The following KCNN3 variants were observed in gnomAD, a reference collection of about 807,000 sequenced individuals.
KCNN3 encodes small conductance calcium-activated potassium channel protein 3.
A neutral mutation model predicts 62.9 loss-of-function variants in KCNN3; 16 were observed. That is an observed-to-expected ratio of 0.25 (90% CI 0.17 to 0.39). The LOEUF is 0.39. Among genes scored for constraint, KCNN3 ranks in the 10% least tolerant of loss-of-function variants. The probability of loss-of-function intolerance (pLI) is 1.00; values close to 1 mark genes in which losing one functional copy is unlikely to be tolerated. For synonymous variants in KCNN3, 370 were observed against 389.2 expected (o/e 0.95, Z 0.58); for missense variants, 599 against 949.4 (o/e 0.63, Z 4.85).
At chr1:154,733,981 G>A (rs1700655295) in intron 3 of KCNN3, among the ~76,000 whole-genome samples, 1 of 152,222 alleles carries the variant, frequency 6.6e-6, no homozygotes, top group Admixed American at 6.5e-5. Context: ...GCAATCAGGG[G>A]GTGGACAAGG....
At chr1:154,846,542 C>A (rs921690597) in intron 1 of KCNN3, among the ~76,000 whole-genome samples, 1 of 152,168 alleles carries the variant, frequency 6.6e-6, no homozygotes, top group African/African-American at 2.4e-5. Flanking sequence ...TTTTTGTTGG[C>A]TTTATTTATT....
chr1:154,747,746 G>C (rs1245780019), intron 3 of KCNN3, among the ~76,000 whole-genome samples: 1 of 152,214 alleles, frequency 6.6e-6, no homozygotes, highest in East Asian at 1.9e-4. Flanking sequence ...TGATAGAAGA[G>C]TCATTCCAAA....
At position 154,869,473 on chromosome 1, in the gene KCNN3, C is replaced by T. The variant is rs1488174086; in HGVS notation, c.492G>A (p.Arg164=). ...TCTCCGTGAAGGGGTTGCTGTCCCG[C>T]CGGTGCACCAGGGGGCTGGCCTGTC... is the stretch of plus-strand genomic sequence containing the variant. ...RHRQASPLVH[R]RDSNPFTEIA... Residue 164 remains arginine, a synonymous_variant, in exon 1 of 8, where the codon CGG becomes CGA. Transcript: ENST00000271915. This position sits in a 1 kb window ranked among gnomAD's most constrained non-coding sequence, Gnocchi z 6.1. The T allele has an allele frequency of 6.2e-7, 1 of 1,614,114 alleles. No individual in the cohort carries two copies. Among genetic ancestry groups the T allele is most frequent in the East Asian group, 2.2e-5 (1 of 44,878 alleles).
intron 3 of KCNN3, among the ~76,000 whole-genome samples, chr1:154,741,332 G>A (rs762761184): frequency 6.6e-6 from 1 of 152,170 alleles, no homozygotes; most frequent in Admixed American, 6.5e-5. Context: ...TTATATTACA[G>A]TATTCTCTGT....
intron 3 of KCNN3, among the ~76,000 whole-genome samples, chr1:154,738,631 G>A (rs947334284): frequency 5.3e-5 from 8 of 152,312 alleles, no homozygotes; most frequent in East Asian, 3.9e-4. Flanking sequence ...CAACCCGTCC[G>A]GGCTGGAGCA....
chr1:154,822,220 C>T lies in KCNN3; in HGVS notation c.934-36G>A, dbSNP rs114682009. ...AATGGAGAGAGAGAATTAGGGAGTG[C>T]GGGGAAAGGAGCGTCTCACTTTATT... is the stretch of plus-strand genomic sequence containing the variant. On this transcript the variant is annotated intron_variant, in intron 1 of 7. Coordinates refer to ENST00000271915, the MANE Select transcript of KCNN3 (RefSeq NM_002249.6). The T allele has an allele frequency of 1.4e-3, 2,067 of 1,458,418 alleles. 23 individuals carry two copies. In the African/African-American group the frequency reaches 0.025, roughly 18 times the overall value. 90.3% of individuals were successfully genotyped at this position (1,458,418 alleles called of 1,614,324 possible).
chr1:154,747,149 G>C (rs1158417603), intron 3 of KCNN3, among the ~76,000 whole-genome samples: 2 of 152,178 alleles, frequency 1.3e-5, no homozygotes, highest in African/African-American at 4.8e-5. Context: ...TCCACATCCA[G>C]TGAGTCAGTC....
intron 1 of KCNN3, among the ~76,000 whole-genome samples, chr1:154,833,896 A>T (rs964447271): frequency 6.6e-5 from 10 of 152,238 alleles, no homozygotes; most frequent in African/African-American, 2.4e-4. Flanking sequence ...TTAACAATAC[A>T]AAAGCTTAAA....
chr1:154,779,445 T>C (rs1383429058), intron 2 of KCNN3, among the ~76,000 whole-genome samples: 1 of 152,176 alleles, frequency 6.6e-6, no homozygotes, highest in Non-Finnish European at 1.5e-5. Flanking sequence ...GGTGACTGGA[T>C]GGGGAGGAGA....
intron 2 of KCNN3, among the ~76,000 whole-genome samples, chr1:154,815,276 G>A (rs767269972): frequency 3.3e-5 from 5 of 152,214 alleles, no homozygotes; most frequent in Non-Finnish European, 7.3e-5. Context: ...TACCTGGGGG[G>A]TTTGGGCAGC....
chr1:154,868,186 TC>T (rs1653026465), intron 1 of KCNN3: 19 of 985,396 alleles, frequency 1.9e-5, no homozygotes, highest in Non-Finnish European at 2.2e-5. Flanking sequence ...GGAAGCCCTG[TC>T]ATCCCGTCCC....
chr1:154,757,963 G>A (rs911517495), intron 3 of KCNN3, among the ~76,000 whole-genome samples: 4 of 152,228 alleles, frequency 2.6e-5, no homozygotes, highest in Non-Finnish European at 5.9e-5. Context: ...CTGGCCCAAC[G>A]TCACCTGCTA....
At chr1:154,778,182 T>C (rs557613605) in intron 2 of KCNN3, among the ~76,000 whole-genome samples, 1 of 152,326 alleles carries the variant, frequency 6.6e-6, no homozygotes, top group East Asian at 1.9e-4. Context: ...GCCGTTAGTA[T>C]AATTCTGAGA....
intron 2 of KCNN3, among the ~76,000 whole-genome samples, chr1:154,773,603 G>A (rs1308861308): frequency 6.6e-6 from 1 of 152,208 alleles, no homozygotes; most frequent in Non-Finnish European, 1.5e-5. Flanking sequence ...TATATTGCAG[G>A]ACACTCAGCC....
intron 7 of KCNN3, among the ~76,000 whole-genome samples, chr1:154,712,646 G>A (rs1240340739): frequency 6.6e-6 from 1 of 152,164 alleles, no homozygotes; most frequent in African/African-American, 2.4e-5. Flanking sequence ...GGAATGTTCT[G>A]CCAGCCTGGC....
At chr1:154,720,941 A>AG (rs1700334069) in intron 5 of KCNN3, among the ~76,000 whole-genome samples, 1 of 152,214 alleles carries the variant, frequency 6.6e-6, no homozygotes, top group African/African-American at 2.4e-5. Context: ...CGTGGGGTCC[A>AG]GGGTCCAGAG....
At chr1:154,804,618 G>A (rs113163873) in intron 2 of KCNN3, among the ~76,000 whole-genome samples, 5 of 151,998 alleles carry the variant, frequency 3.3e-5, no homozygotes, top group African/African-American at 9.6e-5. Flanking sequence ...GTAGGGAATC[G>A]GTATCTGCTG....
chr1:154,758,806 T>TTGTTTC (rs1022455715), intron 3 of KCNN3, among the ~76,000 whole-genome samples: 3 of 150,132 alleles, frequency 2.0e-5, no homozygotes, highest in African/African-American at 7.3e-5. Context: ...GTTTTTGTTT[T>TTGTTTC]TGTTTTTGTT....
chr1:154,772,244 G>A lies in KCNN3; in HGVS notation c.1179C>T (p.Ser393=), dbSNP rs1263244075. Residue 393 remains serine, a synonymous_variant, in exon 3 of 8, where the codon TCC becomes TCT. Transcript: ENST00000271915. This position sits in a 1 kb window ranked among gnomAD's most constrained non-coding sequence, Gnocchi z 5.6. ...CGGCCTCCGCCCGGGAGGGTGTGTAGGAGAAGGCCAGGCGTGCCGTCCAGA... is the reference window on the plus strand; with the variant it reads ...CGGCCTCCGCCCGGGAGGGTGTGTAAGAGAAGGCCAGGCGTGCCGTCCAGA... The part of the protein sequence containing the change: ...KFFWTARLAF[S]YTPSRAEADV... 6.2e-7 allele frequency: 1 copy of A among 1,614,268 alleles called. No individual in the cohort carries two copies. The highest frequency in any genetic ancestry group is 8.5e-7 in the Non-Finnish European group (1 of 1,180,052).
Sources: allele counts gnomAD v4.1 joint callset (sites outside exome capture counted in the v4.1 genomes callset), GRCh38; gene constraint gnomAD v4.1.1; non-coding constraint Gnocchi (gnomAD v3.1); transcripts MANE v1.5; gene names NCBI Gene and HGNC (gene_info 2026-07-23, HGNC 2026-07-21).